The following TET1 variants were observed in gnomAD, a reference collection of about 807,000 sequenced individuals.
The protein encoded by TET1 is methylcytosine dioxygenase TET1.
In TET1, 13 loss-of-function variants were observed where a neutral mutation model predicts 148.7. That is an observed-to-expected ratio of 0.09 (90% CI 0.06 to 0.14). The LOEUF is 0.14. Ranked by LOEUF, TET1 falls within the 10% of genes least tolerant of loss-of-function variation. TET1 has a pLI of 1.00. For missense variants in TET1, 2,182 were observed against 2,553.8 expected (o/e 0.85, Z 3.14); for synonymous variants, 907 against 937.2 (o/e 0.97, Z 0.59).
intron 10 of TET1, 121 bp from the exon 11 acceptor site, chr10:68,686,235 T>C: frequency 1.2e-6 from 1 of 822,538 alleles, no homozygotes. Context: ...CAGCAACCAA[T>C]TGAAAATAAA....
intron 3 of TET1, among the ~76,000 whole-genome samples, chr10:68,608,779 G>A (rs557114272): frequency 2.0e-5 from 3 of 151,898 alleles, no homozygotes; most frequent in East Asian, 1.9e-4. Flanking sequence ...CAGGTGATCC[G>A]CCTACCTCAG....
intron 3 of TET1, among the ~76,000 whole-genome samples, chr10:68,634,098 T>C (rs527697620): frequency 6.6e-6 from 1 of 152,240 alleles, no homozygotes; most frequent in East Asian, 1.9e-4. Flanking sequence ...TTGCCTAGAC[T>C]GTTCTTGATC....
rs371024257 is a variant in TET1 at position 68,572,438 on chromosome 10, G to A, written c.100G>A (p.Ala34Thr). 2.4e-4 allele frequency: 384 copies of A among 1,614,062 alleles called. 10 individuals are homozygous for A. In the South Asian group the frequency reaches 4.0e-3, roughly 17 times the overall value. ...NSQLRKTTKG[A>T]NKNVASVKTL... ...CCAACTACGAAAGACAACCAAGGGA[G>A]CCAACAAAAATGTGGCATCAGTCAA... is the stretch of plus-strand genomic sequence containing the variant. Residue 34 changes from alanine to threonine, a missense_variant, in exon 2 of 12, where the codon GCC becomes ACC. Physicochemically the swap from Ala to Thr is moderately conservative, Grantham distance 58 (BLOSUM62 0). Transcript: ENST00000373644.
At chr10:68,659,084 G>A (rs991951306) in intron 6 of TET1, among the ~76,000 whole-genome samples, 24 of 152,034 alleles carry the variant, frequency 1.6e-4, no homozygotes, top group African/African-American at 4.3e-4. Flanking sequence ...AAAATTAGCC[G>A]GGCGTGGTGG....
chr10:68,624,109 T>C (rs1005774926), intron 3 of TET1, among the ~76,000 whole-genome samples: 9 of 151,800 alleles, frequency 5.9e-5, no homozygotes, highest in Non-Finnish European at 1.2e-4. Flanking sequence ...CTTTTCTTTT[T>C]TTTTTGAAAT....
chr10:68,645,282 T>C lies in TET1; in HGVS notation c.2553T>C (p.Asn851=). 6.2e-7 allele frequency: 1 copy of C among 1,614,118 alleles called. No individual in the cohort carries two copies. The highest frequency in any genetic ancestry group is 1.1e-5 in the South Asian group (1 of 91,070). The change falls in exon 4 of 12, where the codon AAT becomes AAC. Residue 851 remains asparagine, a synonymous_variant. Coordinates refer to ENST00000373644, the MANE Select transcript of TET1 (RefSeq NM_030625.3). ...TAAATCATCATGCTAGTATACACAA[T>C]GAAGGTGATCAACCAAAAACTCCTG... The part of the protein sequence containing the change: ...SIINHHASIH[N]EGDQPKTPEN...
rs200316988 is a variant in TET1 at position 68,646,407 on chromosome 10, G to C, written c.3678G>C (p.Thr1226=). Residue 1226 remains threonine (T), a synonymous_variant, in exon 4 of 12, where the codon ACG becomes ACC. Transcript: ENST00000373644. ...STKIWKPLAQ[T]RSIMQPKTVF... ...AAATATGGAAACCACTGGCTCAAAC[G>C]AGGTCCATTATGCAACCCAAAACAG... is the stretch of plus-strand genomic sequence containing the variant. 8.1e-6 allele frequency: 13 copies of C among 1,614,124 alleles called. No homozygotes were observed. The highest frequency in any genetic ancestry group is 1.6e-4 in the Middle Eastern group (1 of 6,062).
At chr10:68,628,550 G>C (rs766568153) in intron 3 of TET1, among the ~76,000 whole-genome samples, 20 of 152,202 alleles carry the variant, frequency 1.3e-4, no homozygotes, top group Non-Finnish European at 2.8e-4. Context: ...AATCAAATCA[G>C]TAAGTACAAT....
chr10:68,642,784 T>C (rs1314518911), intron 3 of TET1, among the ~76,000 whole-genome samples: 1 of 152,140 alleles, frequency 6.6e-6, no homozygotes, highest in African/African-American at 2.4e-5. Flanking sequence ...TTTGTATTTT[T>C]AGTAGATACG....
At chr10:68,668,277 C>A (rs762865887) in intron 7 of TET1, among the ~76,000 whole-genome samples, 2 of 152,052 alleles carry the variant, frequency 1.3e-5, no homozygotes, top group African/African-American at 4.8e-5. Context: ...TCAAACATAC[C>A]CATCTTTTTC....
intron 11 of TET1, among the ~76,000 whole-genome samples, chr10:68,687,457 T>C (rs2055530558): frequency 6.6e-6 from 1 of 152,198 alleles, no homozygotes; most frequent in Admixed American, 6.5e-5. Flanking sequence ...AGACATGACT[T>C]TCGGGATGCC....
At position 68,640,544 on chromosome 10, in the gene TET1, C is replaced by CTTTTTTTTTTT. The variant is rs60460824; in HGVS notation, c.1969-4139_1969-4129dup. Among the ~76,000 whole-genome samples, 245 of 42,880 alleles carry CTTTTTTTTTTT rather than the reference C, an allele frequency of 5.7e-3. 44 individuals carry two copies. The highest frequency in any genetic ancestry group is 9.5e-3 in the East Asian group (12 of 1,268). 28.1% of individuals were successfully genotyped at this position (42,880 alleles called of 152,430 possible). On this transcript the variant is annotated intron_variant, in intron 3 of 11. Transcript: ENST00000373644. ...AAATATTCTTTTTCTTTCTTTCTTT[C>CTTTTTTTTTTT]TTTTTTTTTTTTTTTTTTTTTTTTT...
At chr10:68,687,204 A>G (rs995019088) in intron 11 of TET1, among the ~76,000 whole-genome samples, 2 of 133,218 alleles carry the variant, frequency 1.5e-5, no homozygotes, top group Admixed American at 1.7e-4. Context: ...CGCCCGGCCT[A>G]CTTATCCTTT....
chr10:68,573,019 A>G lies in TET1; in HGVS notation c.681A>G (p.Leu227=), dbSNP rs149588865. ...PLEGTRCGEG[L]FSEETLNDTS... ...AAGGGACACGCTGTGGTGAAGGACT[A>G]TTCTCTGAAGAGACATTGAATGATA... The change falls in exon 2 of 12, where the codon CTA becomes CTG. Residue 227 remains leucine (L), a synonymous_variant. Coordinates refer to ENST00000373644, the MANE Select transcript of TET1 (RefSeq NM_030625.3). 7 of 1,614,072 alleles carry G rather than the reference A, an allele frequency of 4.3e-6. No homozygotes were observed. Among genetic ancestry groups the G allele is most frequent in the Admixed American group, 1.7e-5 (1 of 60,000 alleles).
chr10:68,581,012 G>A (rs184825625), intron 2 of TET1, among the ~76,000 whole-genome samples: 10 of 152,072 alleles, frequency 6.6e-5, no homozygotes, highest in Non-Finnish European at 7.4e-5. Flanking sequence ...ATTTATTCTC[G>A]TTTGAAGGTT....
intron 6 of TET1, among the ~76,000 whole-genome samples, chr10:68,665,989 G>A (rs377228884): frequency 8.5e-5 from 13 of 152,122 alleles, no homozygotes; most frequent in African/African-American, 3.1e-4. Context: ...TGGTCACATG[G>A]ATGGGCGTTT....
chr10:68,595,001 A>T (rs142863411), intron 2 of TET1, among the ~76,000 whole-genome samples: 2 of 151,022 alleles, frequency 1.3e-5, no homozygotes, highest in Admixed American at 6.6e-5. Context: ...AAAAAAGAAG[A>T]AAAGAAAAAA....
chr10:68,654,705 T>C (rs1223397573), intron 6 of TET1, among the ~76,000 whole-genome samples: 2 of 152,200 alleles, frequency 1.3e-5, no homozygotes, highest in African/African-American at 4.8e-5. Flanking sequence ...TAGGCCATAG[T>C]GAGGAGCTGA....
chr10:68,665,454 GT>G (rs2055184742), intron 6 of TET1, among the ~76,000 whole-genome samples: 1 of 151,998 alleles, frequency 6.6e-6, no homozygotes, highest in Non-Finnish European at 1.5e-5. Context: ...AATAGTTTTA[GT>G]TTCCAGAAGC....
Sources: allele counts gnomAD v4.1 joint callset (sites outside exome capture counted in the v4.1 genomes callset), GRCh38; gene constraint gnomAD v4.1.1; transcripts MANE v1.5; gene names NCBI Gene and HGNC (gene_info 2026-07-23, HGNC 2026-07-21).